Variants in PICALM observed in about 807,000 individuals in gnomAD.
The protein encoded by PICALM is phosphatidylinositol binding clathrin assembly protein, also known as phosphatidylinositol-binding clathrin assembly protein.
In PICALM, 40 loss-of-function variants were observed where a neutral mutation model predicts 80.5. The ratio of observed to expected loss-of-function variants is 0.50; its 90% confidence interval spans 0.39 to 0.65. The LOEUF (loss-of-function observed/expected upper bound fraction) is 0.65, where lower values mean the gene tolerates loss of function less well. PICALM is among the 30% of genes least tolerant of loss of function. The pLI is 0.00. For missense variants in PICALM, 676 were observed against 778.9 expected (o/e 0.87, Z 1.57); for synonymous variants, 288 against 260.3 (o/e 1.11, Z -1.02).
intron 2 of PICALM, among the ~76,000 whole-genome samples, chr11:86,027,966 G>A (rs1351727474): frequency 6.6e-6 from 1 of 152,104 alleles, no homozygotes; most frequent in African/African-American, 2.4e-5. Context: ...GACAATATTA[G>A]ACTATGATTT....
intron 9 of PICALM, 51 bp from the exon 10 acceptor site, chr11:86,001,209 T>C: frequency 1.9e-6 from 3 of 1,578,410 alleles, no homozygotes; most frequent in Non-Finnish European, 2.6e-6. Context: ...CACTTCACAT[T>C]ACACCCAGGT....
intron 1 of PICALM, among the ~76,000 whole-genome samples, chr11:86,037,858 T>C (rs2095870644): frequency 1.3e-5 from 2 of 152,224 alleles, no homozygotes; most frequent in African/African-American, 4.8e-5. Flanking sequence ...ATAACACTGT[T>C]ACTTCCATAA....
intron 12 of PICALM, among the ~76,000 whole-genome samples, chr11:85,992,461 T>G (rs1318210289): frequency 2.6e-5 from 4 of 151,948 alleles, no homozygotes; most frequent in Non-Finnish European, 5.9e-5. Flanking sequence ...ATTTTTCTAT[T>G]TTTAGTAGAG....
Position 85,983,109 on chromosome 11 carries a change from T to C in PICALM, c.1516+757A>G, listed in dbSNP as rs184376883. Among the ~76,000 whole-genome samples the C allele has an allele frequency of 3.9e-5, 6 of 152,334 alleles. No homozygotes were observed. In the East Asian group the frequency reaches 1.2e-3, roughly 29 times the overall value. The stretch of plus-strand genomic sequence containing the variant: ...ATTCTTAGTCCATACATATTCTTTA[T>C]AGGCTTGCTTCTTAGTTTTTGAAGG... On this transcript the variant is annotated intron_variant, in intron 14 of 19. Coordinates refer to ENST00000393346, the MANE Select transcript of PICALM (RefSeq NM_007166.4).
chr11:86,051,844 T>C lies in PICALM; in HGVS notation c.130+16807A>G, dbSNP rs1053167434. Among the ~76,000 whole-genome samples the C allele has an allele frequency of 3.3e-5, 5 of 152,368 alleles. No homozygotes were observed. In the East Asian group the frequency reaches 5.8e-4, roughly 18 times the overall value. ...CTCTAGTCAAGGTTCTTCATCGCCATCTAAATGTCAGATTTATTCTCTATG... is the reference window on the plus strand; with the variant it reads ...CTCTAGTCAAGGTTCTTCATCGCCACCTAAATGTCAGATTTATTCTCTATG... On this transcript the variant is annotated intron_variant, in intron 1 of 19. Transcript: ENST00000393346.
chr11:85,964,719 C>G (rs532985267), intron 19 of PICALM, among the ~76,000 whole-genome samples: 1 of 152,292 alleles, frequency 6.6e-6, no homozygotes, highest in African/African-American at 2.4e-5. Flanking sequence ...ATTCCATTAT[C>G]AACCAGTCAC....
intron 8 of PICALM, among the ~76,000 whole-genome samples, chr11:86,004,554 T>C (rs1274101724): frequency 6.6e-6 from 1 of 152,106 alleles, no homozygotes; most frequent in African/African-American, 2.4e-5. Flanking sequence ...ACTCAGGCTA[T>C]AGGTCAAATC....
chr11:85,963,619 T>G (rs1244157057), intron 19 of PICALM, among the ~76,000 whole-genome samples: 2 of 152,216 alleles, frequency 1.3e-5, no homozygotes, highest in Non-Finnish European at 2.9e-5. Context: ...AATCTGCAAG[T>G]GGTTGATGAT....
chr11:85,977,597 T>A (rs1463085000), intron 17 of PICALM, among the ~76,000 whole-genome samples: 2 of 152,130 alleles, frequency 1.3e-5, no homozygotes, highest in African/African-American at 4.8e-5. Flanking sequence ...TTTAAAAAAA[T>A]AACACTAAAG....
chr11:86,001,390 T>C (rs923887385), intron 9 of PICALM, among the ~76,000 whole-genome samples: 1 of 152,196 alleles, frequency 6.6e-6, no homozygotes, highest in African/African-American at 2.4e-5. Context: ...AGTAAGTGTT[T>C]GACTTTGGAA....
At chr11:86,056,738 T>C (rs1199611972) in intron 1 of PICALM, among the ~76,000 whole-genome samples, 1 of 152,218 alleles carries the variant, frequency 6.6e-6, no homozygotes, top group Non-Finnish European at 1.5e-5. Flanking sequence ...ATAGCAGTAC[T>C]ATTCTTCACA....
At chr11:86,015,629 C>G (rs983179718) in intron 4 of PICALM, among the ~76,000 whole-genome samples, 12 of 152,044 alleles carry the variant, frequency 7.9e-5, no homozygotes, top group Admixed American at 7.2e-4. Flanking sequence ...TTGGCAGCAC[C>G]AAAACAGATT....
intron 8 of PICALM, chr11:86,003,676 G>A (rs1046265157): frequency 2.8e-6 from 1 of 353,636 alleles, no homozygotes; most frequent in Non-Finnish European, 5.1e-6. Flanking sequence ...GTTAAGAACT[G>A]AAAACTATGT....
intron 1 of PICALM, among the ~76,000 whole-genome samples, chr11:86,066,332 A>C (rs1416698519): frequency 2.6e-5 from 4 of 152,188 alleles, no homozygotes; most frequent in Non-Finnish European, 4.4e-5. Context: ...TTAAAACCTC[A>C]TTGAAAAGAA....
Position 85,957,252 on chromosome 11 carries a change from A to G in PICALM, c.*1794T>C, listed in dbSNP as rs1359698167. ...TTGGCTACGACTACATTTTTTCTCC[A>G]ATCACAGCAAATATTATGAGACACT... On this transcript the variant is annotated 3_prime_UTR_variant, in exon 20 of 20. Transcript: ENST00000393346. Among the ~76,000 whole-genome samples the G allele has an allele frequency of 6.6e-6, 1 of 152,198 alleles. No homozygotes were observed. The highest frequency in any genetic ancestry group is 1.5e-5 in the Non-Finnish European group (1 of 68,014).
intron 19 of PICALM, among the ~76,000 whole-genome samples, chr11:85,961,891 G>A (rs1338433425): frequency 2.3e-5 from 3 of 130,028 alleles, no homozygotes; most frequent in South Asian, 5.0e-4. Flanking sequence ...ATTTATTTTC[G>A]GAAAAGCACT....
At chr11:86,060,752 A>C (rs1451743215) in intron 1 of PICALM, among the ~76,000 whole-genome samples, 7 of 149,644 alleles carry the variant, frequency 4.7e-5, no homozygotes, top group Admixed American at 1.3e-4. Flanking sequence ...AAAAAAAATG[A>C]ATCAGGAGAC....
rs2096484359 is a variant in PICALM at position 86,068,818 on chromosome 11, C to T, written c.-38G>A. ...TCCACCACCCCACCCGCTCAGCAGC[C>T]GGCGGGGACTGGGACCCCCAAGAGC... is the stretch of plus-strand genomic sequence containing the variant. On this transcript the variant is annotated 5_prime_UTR_variant, in exon 1 of 20. Transcript: ENST00000393346. The T allele has an allele frequency of 6.4e-7, 1 of 1,567,592 alleles. No individual in the cohort carries two copies. The highest frequency in any genetic ancestry group is 8.6e-7 in the Non-Finnish European group (1 of 1,160,964).
chr11:86,020,010 A>G (rs1385951937), intron 4 of PICALM, among the ~76,000 whole-genome samples: 1 of 152,158 alleles, frequency 6.6e-6, no homozygotes, highest in Non-Finnish European at 1.5e-5. Context: ...GAATGTCTTC[A>G]GTGGCTTTCT....
Sources: allele counts gnomAD v4.1 joint callset (sites outside exome capture counted in the v4.1 genomes callset), GRCh38; gene constraint gnomAD v4.1.1; transcripts MANE v1.5; gene names NCBI Gene and HGNC (gene_info 2026-07-23, HGNC 2026-07-21).